KHDRBS2: variants seen among roughly 807,000 people sequenced by gnomAD.
The protein encoded by KHDRBS2 is KH RNA binding domain containing, signal transduction associated 2, also known as KH domain-containing, RNA-binding, signal transduction-associated protein 2.
Under a neutral mutation model 44.3 loss-of-function variants are expected in KHDRBS2, and 26 were observed. That is an observed-to-expected ratio of 0.59 (90% CI 0.43 to 0.81). The LOEUF (loss-of-function observed/expected upper bound fraction) is 0.81. KHDRBS2 is among the 40% of genes least tolerant of loss of function. The pLI, the probability that KHDRBS2 is intolerant of heterozygous loss-of-function variation, is 0.00. For synonymous variants in KHDRBS2, 194 were observed against 151.1 expected (o/e 1.28, Z -2.08); for missense variants, 476 against 433.1 (o/e 1.10, Z -0.88).
chr6:61,865,451 T>C (rs562734845), intron 6 of KHDRBS2, among the ~76,000 whole-genome samples: 1 of 152,124 alleles, frequency 6.6e-6, no homozygotes, highest in South Asian at 2.1e-4. Flanking sequence ...GCAGGGGAAC[T>C]CCTCATTATA....
At chr6:62,017,867 G>A (rs1781493418) in intron 3 of KHDRBS2, among the ~76,000 whole-genome samples, 1 of 152,004 alleles carries the variant, frequency 6.6e-6, no homozygotes, top group Non-Finnish European at 1.5e-5. Context: ...TTACATAATT[G>A]TGGAGAACAA....
chr6:61,955,604 A>G (rs114634835), intron 4 of KHDRBS2, among the ~76,000 whole-genome samples: 1,722 of 68,094 alleles, frequency 0.025, 557 homozygotes, highest in African/African-American at 0.11. Flanking sequence ...ATGTGTGTAT[A>G]TACACGTATG....
intron 1 of KHDRBS2, among the ~76,000 whole-genome samples, chr6:62,254,981 G>A (rs1370842398): frequency 1.3e-5 from 2 of 152,030 alleles, no homozygotes; most frequent in East Asian, 3.9e-4. Flanking sequence ...AAAATATATT[G>A]CTGTTGTTTC....
chr6:62,004,888 C>G (rs991695562), intron 3 of KHDRBS2, among the ~76,000 whole-genome samples: 4 of 152,014 alleles, frequency 2.6e-5, no homozygotes, highest in African/African-American at 9.7e-5. Flanking sequence ...TAATCCATCA[C>G]ATAAACAGAA....
At chr6:61,830,255 T>C (rs1029605119) in intron 6 of KHDRBS2, among the ~76,000 whole-genome samples, 9 of 152,150 alleles carry the variant, frequency 5.9e-5, no homozygotes, top group Admixed American at 5.2e-4. Flanking sequence ...AGCGAAGTTT[T>C]GAGTGGTTTG....
chr6:61,710,694 G>A (rs1372641472), intron 7 of KHDRBS2, among the ~76,000 whole-genome samples: 1 of 150,156 alleles, frequency 6.7e-6, no homozygotes, highest in African/African-American at 2.4e-5. Flanking sequence ...TTTGTGTTAT[G>A]TATTTACCCA....
chr6:61,879,691 C>T (rs867513136), intron 6 of KHDRBS2, among the ~76,000 whole-genome samples: 2 of 151,862 alleles, frequency 1.3e-5, no homozygotes, highest in Non-Finnish European at 2.9e-5. Context: ...ATACTAACAT[C>T]TTAAAGTTGC....
intron 6 of KHDRBS2, among the ~76,000 whole-genome samples, chr6:61,863,406 G>A (rs1326818832): frequency 2.0e-5 from 3 of 151,816 alleles, no homozygotes; most frequent in South Asian, 4.2e-4. Context: ...GATATTTCTA[G>A]CTTTTTGATG....
chr6:61,709,713 T>A (rs949181908), intron 7 of KHDRBS2, among the ~76,000 whole-genome samples: 4 of 151,688 alleles, frequency 2.6e-5, no homozygotes, highest in Non-Finnish European at 4.4e-5. Context: ...CTATAAATAA[T>A]GCTTTCCACT....
chr6:61,933,479 T>C lies in KHDRBS2; in HGVS notation c.484-32108A>G, dbSNP rs189590536. Among the ~76,000 whole-genome samples, 465 of 152,330 alleles carry C rather than the reference T, an allele frequency of 3.1e-3. 1 individual carries two copies. The highest frequency in any genetic ancestry group is 5.0e-3 in the Non-Finnish European group (340 of 68,028). ...TTTCAATTCCTTTGAATATACGTTA[T>C]GCACTGCTTAACCATGGGGATACAT... is the stretch of plus-strand genomic sequence containing the variant. On this transcript the variant is annotated intron_variant, in intron 4 of 8. Coordinates refer to ENST00000281156, the MANE Select transcript of KHDRBS2 (RefSeq NM_152688.4).
intron 2 of KHDRBS2, among the ~76,000 whole-genome samples, chr6:62,117,977 C>T (rs116611844): frequency 0.08 from 12,094 of 151,954 alleles, 521 homozygotes; most frequent in African/African-American, 0.1. Context: ...GGTTTCCCAA[C>T]GTTGGCCACG....
chr6:61,857,876 T>G (rs752193881), intron 6 of KHDRBS2, among the ~76,000 whole-genome samples: 1 of 152,028 alleles, frequency 6.6e-6, no homozygotes, highest in Non-Finnish European at 1.5e-5. Flanking sequence ...TTAAGTGATA[T>G]GTATGACTTT....
the KHDRBS2 span, among the ~76,000 whole-genome samples, chr6:61,639,086 T>C: frequency 2.0e-5 from 3 of 152,146 alleles, no homozygotes; most frequent in Admixed American, 1.3e-4. Flanking sequence ...ATGATTGCTA[T>C]TGGAATACAT....
At chr6:62,203,586 T>C (rs1013599861) in intron 1 of KHDRBS2, among the ~76,000 whole-genome samples, 1 of 152,064 alleles carries the variant, frequency 6.6e-6, no homozygotes, top group African/African-American at 2.4e-5. Flanking sequence ...AGGAGATTTG[T>C]GTAAGATGTT....
In KHDRBS2 at chr6:61,782,688, T is replaced by G. The variant is rs1320514423; in HGVS notation, c.811-49924A>C. ...TTTTTATACCTGTGTATAAAGGTTG[T>G]GTATATATATATATATATATATATA... On this transcript the variant is annotated intron_variant, in intron 6 of 8. Coordinates refer to ENST00000281156, the MANE Select transcript of KHDRBS2 (RefSeq NM_152688.4). Among the ~76,000 whole-genome samples the G allele has an allele frequency of 7.4e-4, 14 of 19,026 alleles. No individual in the cohort carries two copies. The East Asian group carries it at 0.019, about 25-fold the overall frequency. 12.5% of individuals were successfully genotyped at this position (19,026 alleles called of 152,430 possible).
intron 2 of KHDRBS2, among the ~76,000 whole-genome samples, chr6:62,157,224 G>A (rs768475118): frequency 1.8e-4 from 28 of 151,648 alleles, no homozygotes; most frequent in Non-Finnish European, 3.7e-4. Context: ...TCGGGAGGCT[G>A]TGGCAGGAGA....
the KHDRBS2 span, among the ~76,000 whole-genome samples, chr6:61,635,218 T>C: frequency 1.3e-5 from 2 of 152,050 alleles, no homozygotes; most frequent in South Asian, 2.1e-4. Flanking sequence ...AAAATAAGTA[T>C]ACCAGCCCAT....
chr6:62,212,054 G>A (rs149525673), intron 1 of KHDRBS2, among the ~76,000 whole-genome samples: 5,466 of 152,160 alleles, frequency 0.036, 273 homozygotes, highest in African/African-American at 0.12. Flanking sequence ...ACTAATGCAG[G>A]AACAGAAAAG....
the KHDRBS2 span, among the ~76,000 whole-genome samples, chr6:61,628,141 G>A: frequency 6.8e-6 from 1 of 146,276 alleles, no homozygotes; most frequent in African/African-American, 2.5e-5. Flanking sequence ...CAGCCATGCA[G>A]TCTAATTTCT....
Sources: gnomAD v4.1 joint callset for allele counts (sites outside exome capture counted in the v4.1 genomes callset) on GRCh38, gnomAD v4.1.1 for gene constraint, MANE v1.5 for transcripts, NCBI Gene and HGNC (gene_info 2026-07-23, HGNC 2026-07-21) for gene names.